Variants in MPPED1 observed in about 807,000 individuals in gnomAD.
MPPED1 encodes the protein metallophosphoesterase domain-containing protein 1.
Under a neutral mutation model 36.2 loss-of-function variants are expected in MPPED1, and 16 were observed. The observed-to-expected ratio is 0.44, with a 90% confidence interval of 0.30 to 0.67. MPPED1 has a LOEUF of 0.67. Among genes scored for constraint, MPPED1 ranks in the 30% least tolerant of loss-of-function variants. MPPED1 has a pLI of 0.10. For synonymous variants in MPPED1, 199 were observed against 191.3 expected (o/e 1.04, Z -0.33); for missense variants, 307 against 453.4 (o/e 0.68, Z 2.93).
intron 5 of MPPED1, among the ~76,000 whole-genome samples, chr22:43,500,166 GT>G (rs1932634605): frequency 2.3e-5 from 2 of 88,180 alleles, no homozygotes; most frequent in African/African-American, 5.7e-5. Flanking sequence ...GGTGGTGATG[GT>G]GATGGAGGTG....
intron 3 of MPPED1, among the ~76,000 whole-genome samples, chr22:43,443,324 G>A (rs113022198): frequency 6.6e-6 from 1 of 152,166 alleles, no homozygotes; most frequent in African/African-American, 2.4e-5. Context: ...GGGAGGACAA[G>A]GTCTGATTCG....
intron 4 of MPPED1, among the ~76,000 whole-genome samples, chr22:43,495,567 AGGTGATGG>A (rs1932274148): frequency 7.5e-5 from 2 of 26,648 alleles, no homozygotes; most frequent in African/African-American, 1.6e-4. Context: ...GTGGTGGTGG[AGGTGATGG>A]TGGAGGTGGT....
In MPPED1 at chr22:43,505,670, C is replaced by T; in HGVS notation, c.*54C>T. ...CCCGTGTCAGCTCCACAGGCCTGGC[C>T]CGGCCACTGTTCCTTCCATGCTGAG... On this transcript the variant is annotated 3_prime_UTR_variant, in exon 7 of 7. Transcript: ENST00000443721. 6.7e-7 allele frequency: 1 copy of T among 1,485,726 alleles called. No individual in the cohort carries two copies. Among genetic ancestry groups the T allele is most frequent in the East Asian group, 2.4e-5 (1 of 41,182 alleles). 92.0% of individuals were successfully genotyped at this position (1,485,726 alleles called of 1,614,324 possible).
At chr22:43,434,742 C>A (rs374044939) in intron 2 of MPPED1, among the ~76,000 whole-genome samples, 190 of 152,360 alleles carry the variant, frequency 1.2e-3, no homozygotes, top group African/African-American at 4.4e-3. Flanking sequence ...TCACTGCACC[C>A]ACTTCTCACT....
chr22:43,449,677 G>A (rs948299204), intron 3 of MPPED1, among the ~76,000 whole-genome samples: 1 of 152,156 alleles, frequency 6.6e-6, no homozygotes, highest in Non-Finnish European at 1.5e-5. Flanking sequence ...GCATCAGGGG[G>A]ACATGGTTGA....
intron 5 of MPPED1, among the ~76,000 whole-genome samples, chr22:43,499,636 AGGTGGTGGT>A (rs561950383): frequency 8.0e-5 from 1 of 12,488 alleles, no homozygotes; most frequent in Non-Finnish European, 1.4e-4. Context: ...ATGATGGTGG[AGGTGGTGGT>A]GGTGGTGATG....
At chr22:43,475,052 G>A in intron 4 of MPPED1, 91 bp downstream of exon 4, 2 of 1,182,594 alleles carry the variant, frequency 1.7e-6, no homozygotes, top group Admixed American at 3.7e-5. Flanking sequence ...TAGCAGCAGG[G>A]AGCTCCGGAT....
intron 4 of MPPED1, among the ~76,000 whole-genome samples, chr22:43,483,268 G>A (rs937638227): frequency 1.3e-5 from 2 of 152,272 alleles, no homozygotes; most frequent in African/African-American, 4.8e-5. Context: ...ACGGGGCCGA[G>A]TCCTGGGAGT....
chr22:43,483,820 G>C (rs772997295), intron 4 of MPPED1, among the ~76,000 whole-genome samples: 11 of 152,198 alleles, frequency 7.2e-5, no homozygotes, highest in Non-Finnish European at 1.5e-5. Context: ...GGCACACCCA[G>C]CAGGGGCCAC....
chr22:43,500,128 A>AGGTGGTGGT (rs1932628245), intron 5 of MPPED1, among the ~76,000 whole-genome samples: 1 of 49,222 alleles, frequency 2.0e-5, no homozygotes, highest in Non-Finnish European at 4.4e-5. Context: ...GTGGTGATGG[A>AGGTGGTGGT]GGTGGTAATG....
At chr22:43,485,812 C>A (rs1213310987) in intron 4 of MPPED1, among the ~76,000 whole-genome samples, 1 of 152,222 alleles carries the variant, frequency 6.6e-6, no homozygotes, top group Admixed American at 6.5e-5. Flanking sequence ...GACAAAGGAC[C>A]CTGTTCTTCG....
intron 4 of MPPED1, among the ~76,000 whole-genome samples, chr22:43,491,820 A>T (rs146290064): frequency 8.2e-6 from 1 of 122,384 alleles, no homozygotes; most frequent in Non-Finnish European, 1.7e-5. Context: ...GGTGGTGATG[A>T]TGGAGGTGGT....
At chr22:43,414,090 T>A (rs1011551923) in intron 1 of MPPED1, among the ~76,000 whole-genome samples, 4 of 152,198 alleles carry the variant, frequency 2.6e-5, no homozygotes, top group Non-Finnish European at 5.9e-5. Context: ...GGTTTAGATC[T>A]AGGCGAACAA....
chr22:43,452,021 T>C (rs1013474241), intron 3 of MPPED1, among the ~76,000 whole-genome samples: 2 of 147,018 alleles, frequency 1.4e-5, no homozygotes, highest in Non-Finnish European at 3.0e-5. Flanking sequence ...TTTTTTTCTT[T>C]CTTTTTTTTT....
chr22:43,465,506 T>A (rs1931135182), intron 3 of MPPED1, among the ~76,000 whole-genome samples: 1 of 152,214 alleles, frequency 6.6e-6, no homozygotes, highest in South Asian at 2.1e-4. Flanking sequence ...AGCCCCGTGC[T>A]GGCGGTAGAG....
intron 5 of MPPED1, among the ~76,000 whole-genome samples, chr22:43,501,974 G>A (rs1366197911): frequency 6.6e-6 from 1 of 151,998 alleles, no homozygotes; most frequent in Non-Finnish European, 1.5e-5. Flanking sequence ...AAACAGAGAG[G>A]GGCCGCCATG....
chr22:43,428,777 G>A (rs1015214331), intron 2 of MPPED1, among the ~76,000 whole-genome samples: 2 of 151,924 alleles, frequency 1.3e-5, no homozygotes, highest in African/African-American at 4.8e-5. Flanking sequence ...GGGCCTCTAG[G>A]TTGTGAGCAA....
At chr22:43,472,040 G>C (rs1436746846) in intron 3 of MPPED1, among the ~76,000 whole-genome samples, 4 of 152,220 alleles carry the variant, frequency 2.6e-5, no homozygotes, top group African/African-American at 4.8e-5. Context: ...AATGAATGAA[G>C]TGGACTGGGT....
chr22:43,496,020 TGGTGATGGTGGA>T, intron 4 of MPPED1, among the ~76,000 whole-genome samples: 2 of 86,296 alleles, frequency 2.3e-5, no homozygotes, highest in Non-Finnish European at 4.8e-5. Context: ...GTGGTGGAGG[TGGTGATGGTGGA>T]GGTGGTGGTG....
Sources: allele counts gnomAD v4.1 joint callset (sites outside exome capture counted in the v4.1 genomes callset), GRCh38; gene constraint gnomAD v4.1.1; transcripts MANE v1.5; gene names NCBI Gene and HGNC (gene_info 2026-07-23, HGNC 2026-07-21).